Variants in SPATA6L observed in about 807,000 individuals in gnomAD.
The protein encoded by SPATA6L is spermatogenesis associated 6-like protein.
SPATA6L carries 68 observed loss-of-function variants against 49.2 expected under a neutral mutation model. The ratio of observed to expected loss-of-function variants is 1.38; its 90% CI spans 1.14 to 1.69. SPATA6L has a LOEUF of 1.69. Among genes scored for constraint, SPATA6L ranks in the 40% most tolerant of loss-of-function variants. The pLI, the probability that SPATA6L is intolerant of heterozygous loss-of-function variation, is 0.00. For missense variants in SPATA6L, 668 were observed against 464.3 expected (o/e 1.44, Z -4.03); for synonymous variants, 198 against 165.7 (o/e 1.19, Z -1.50).
intron 10 of SPATA6L, among the ~76,000 whole-genome samples, chr9:4,605,078 T>A (rs1824399844): frequency 6.6e-6 from 1 of 152,106 alleles, no homozygotes; most frequent in Non-Finnish European, 1.5e-5. Flanking sequence ...CTCTGCTTGA[T>A]GAGTGCTGTG....
intron 9 of SPATA6L, among the ~76,000 whole-genome samples, chr9:4,616,301 T>A (rs540860693): frequency 5.3e-5 from 8 of 152,120 alleles, no homozygotes; most frequent in Non-Finnish European, 8.8e-5. Flanking sequence ...ATAATTAATT[T>A]AAAAAAATAG....
chr9:4,597,418 A>G (rs902886269), downstream of SPATA6L, among the ~76,000 whole-genome samples: 13 of 152,260 alleles, frequency 8.5e-5, no homozygotes, highest in African/African-American at 2.9e-4. Flanking sequence ...TCACTCTAAA[A>G]GACGCAGAAT....
intron 2 of SPATA6L, among the ~76,000 whole-genome samples, chr9:4,659,586 G>T (rs448655): frequency 6.6e-6 from 1 of 151,948 alleles, no homozygotes; most frequent in African/African-American, 2.4e-5. Flanking sequence ...TCAATATCGT[G>T]AAAATGGCCA....
chr9:4,590,710 AC>A (rs1821851886), intron 13 of SPATA6L, among the ~76,000 whole-genome samples: 1 of 152,120 alleles, frequency 6.6e-6, no homozygotes, highest in South Asian at 2.1e-4. Context: ...CCAGGATATT[AC>A]CTAGAGAGAA....
chr9:4,607,224 GA>G (rs553321986), intron 9 of SPATA6L, among the ~76,000 whole-genome samples: 5,307 of 152,112 alleles, frequency 0.035, 289 homozygotes, highest in African/African-American at 0.12. Context: ...CACTCTGCAG[GA>G]TATTATCCAG....
downstream of SPATA6L, among the ~76,000 whole-genome samples, chr9:4,596,915 G>A (rs753881048): frequency 2.6e-5 from 4 of 152,156 alleles, no homozygotes; most frequent in African/African-American, 4.8e-5. Context: ...GCAAGAAATA[G>A]GGGGAGCAAT....
At chr9:4,635,799 G>C (rs12353516) in intron 3 of SPATA6L, among the ~76,000 whole-genome samples, 1 of 152,094 alleles carries the variant, frequency 6.6e-6, no homozygotes, top group East Asian at 1.9e-4. Context: ...GGTTCAATGT[G>C]TTCTGTGATG....
Position 4,636,424 on chromosome 9 carries a change from A to C in SPATA6L, c.227-1025T>G, listed in dbSNP as rs202245017. Reference sequence around the variant, plus strand: ...ATAAAAGGGATACTACAAAATACTCATTACCAAAAGATCTTGGGTCTAATG... The same window carrying C: ...ATAAAAGGGATACTACAAAATACTCCTTACCAAAAGATCTTGGGTCTAATG... On this transcript the variant is annotated intron_variant, in intron 3 of 11. Transcript: ENST00000682582. 7.9e-5 allele frequency among the ~76,000 whole-genome samples: 12 copies of C among 152,368 alleles called. 1 individual carries two copies. In the East Asian group the frequency reaches 2.3e-3, roughly 29 times the overall value.
intron 3 of SPATA6L, among the ~76,000 whole-genome samples, chr9:4,638,227 T>A (rs1364949722): frequency 6.6e-6 from 1 of 151,296 alleles, no homozygotes; most frequent in Non-Finnish European, 1.5e-5. Context: ...TTATTATTTT[T>A]TGAGACGGAG....
intron 5 of SPATA6L, chr9:4,626,403 G>A (rs1564201973): frequency 1.5e-6 from 2 of 1,302,324 alleles, no homozygotes; most frequent in Non-Finnish European, 1.0e-6. Flanking sequence ...TGAGATCTGA[G>A]TTCCAGCTCA....
intron 3 of SPATA6L, among the ~76,000 whole-genome samples, chr9:4,651,343 G>A (rs1334076455): frequency 3.3e-5 from 5 of 152,190 alleles, no homozygotes; most frequent in South Asian, 4.1e-4. Flanking sequence ...GACTTATAAT[G>A]TGTAGAGAGA....
At position 4,625,479 on chromosome 9, in the gene SPATA6L, T is replaced by A. The variant is rs1415101068; in HGVS notation, c.517A>T (p.Asn173Tyr). 6.2e-7 allele frequency: 1 copy of A among 1,613,996 alleles called. No homozygotes were observed. Among genetic ancestry groups the A allele is most frequent in the Non-Finnish European group, 8.5e-7 (1 of 1,180,002 alleles). ...CCTTTGGGCAGTCTGTTGAGATTAT[T>A]CTCCTTTAGTTTCATCTTTATAGTA... is the stretch of plus-strand genomic sequence containing the variant. Reference protein sequence around the residue: ...LNTIKMKLKENNLNRLPKGMQ... With the variant: ...LNTIKMKLKEYNLNRLPKGMQ... The change falls in exon 6 of 12, where the codon AAT (asparagine) becomes TAT (tyrosine). Residue 173 changes from asparagine (N) to tyrosine (Y), a missense_variant. Transcript: ENST00000682582.
At chr9:4,634,769 G>T (rs1030723468) in intron 4 of SPATA6L, among the ~76,000 whole-genome samples, 9 of 152,154 alleles carry the variant, frequency 5.9e-5, no homozygotes, top group Middle Eastern at 3.4e-3. Context: ...GCCCCCCAAA[G>T]AATTAAATTA....
chr9:4,622,798 A>G (rs1236661022), intron 6 of SPATA6L, among the ~76,000 whole-genome samples: 12 of 152,262 alleles, frequency 7.9e-5, no homozygotes, highest in Admixed American at 7.8e-4. Flanking sequence ...GATCCCGCAC[A>G]GAAAGAGAGC....
At chr9:4,666,133 G>C in intron 1 of SPATA6L, 79 bp downstream of exon 1, 1 of 1,287,120 alleles carries the variant, frequency 7.8e-7, no homozygotes, top group South Asian at 1.2e-5. Flanking sequence ...GGGGATGTGG[G>C]GGAGGGTTGT....
intron 9 of SPATA6L, among the ~76,000 whole-genome samples, chr9:4,617,102 T>G (rs1828200568): frequency 6.6e-6 from 1 of 152,206 alleles, no homozygotes; most frequent in Admixed American, 6.5e-5. Context: ...ATATAATTCC[T>G]GTAAAAATTT....
At chr9:4,628,886 G>A in intron 5 of SPATA6L, 1 of 493,458 alleles carries the variant, frequency 2.0e-6, no homozygotes, top group Admixed American at 3.9e-5. Flanking sequence ...ACATCATGCT[G>A]CCAAACGTAT....
At chr9:4,620,790 T>A (rs1350364563) in intron 7 of SPATA6L, among the ~76,000 whole-genome samples, 1 of 152,186 alleles carries the variant, frequency 6.6e-6, no homozygotes, top group Admixed American at 6.5e-5. Context: ...GTGAGTCCCA[T>A]CGTAATAGAG....
chr9:4,662,428 C>A lies in SPATA6L; in HGVS notation c.40-392G>T. On this transcript the variant is annotated intron_variant, in intron 1 of 11. Transcript: ENST00000682582. This position sits in a 1 kb window ranked among gnomAD's most constrained non-coding sequence, Gnocchi z 4.9. ...GGACGGCCGCTGGGCGTCTCCGCTT[C>A]GAGCAGCAGCAGCAGCCCCGGCAGC... The A allele has an allele frequency of 6.5e-7, 1 of 1,541,928 alleles. No homozygotes were observed. The highest frequency in any genetic ancestry group is 8.7e-7 in the Non-Finnish European group (1 of 1,152,320).
Sources: gnomAD v4.1 joint callset for allele counts (sites outside exome capture counted in the v4.1 genomes callset) on GRCh38, gnomAD v4.1.1 for gene constraint, Gnocchi (gnomAD v3.1) non-coding constraint, MANE v1.5 for transcripts, NCBI Gene and HGNC (gene_info 2026-07-23, HGNC 2026-07-21) for gene names.